IFT43: variants seen among roughly 807,000 people sequenced by gnomAD.
The protein encoded by IFT43 is intraflagellar transport protein 43 homolog.
Under a neutral mutation model 32.3 loss-of-function variants are expected in IFT43, and 33 were observed. That is an observed-to-expected ratio of 1.02 (90% CI 0.77 to 1.37). The LOEUF (loss-of-function observed/expected upper bound fraction) is 1.37. Among genes scored for constraint, IFT43 ranks in the 40% most tolerant of loss-of-function variants. The probability of loss-of-function intolerance (pLI) is 0.00; values close to 1 mark genes in which losing one functional copy is unlikely to be tolerated. For missense variants in IFT43, 274 were observed against 265.9 expected, an observed-to-expected ratio of 1.03 and a Z score of -0.21; for synonymous variants, 93 against 98.2, an observed-to-expected ratio of 0.95 and a Z score of 0.31.
At chr14:76,058,746 A>G in intron 4 of IFT43, 72 bp downstream of exon 4, 5 of 1,606,808 alleles carry the variant, frequency 3.1e-6, no homozygotes, top group Non-Finnish European at 4.2e-6. Flanking sequence ...CTTGGTGGTC[A>G]TGATCTGTTC....
chr14:76,022,364 G>T lies in IFT43; in HGVS notation c.185G>T (p.Gly62Val). Reference sequence around the variant, plus strand: ...AAATTACCTCGCTGCCGACAGGGAGGCTGGGCAGGTGATTCCGTGAAGGCT... The same window carrying T: ...AAATTACCTCGCTGCCGACAGGGAGTCTGGGCAGGTGATTCCGTGAAGGCT... ...SAKLPRCRQG[G>V]WAGDSVKASK... Residue 62 changes from glycine (G) to valine (V), a missense_variant, in exon 3 of 9, where the codon GGC becomes GTC. Coordinates refer to ENST00000314067, the MANE Select transcript of IFT43 (RefSeq NM_001102564.3). 1.2e-6 allele frequency: 2 copies of T among 1,613,174 alleles called. No individual in the cohort carries two copies. Among genetic ancestry groups the T allele is most frequent in the South Asian group, 1.1e-5 (1 of 91,016 alleles).
At chr14:76,070,523 G>A (rs1206025148) in intron 5 of IFT43, among the ~76,000 whole-genome samples, 1 of 152,128 alleles carries the variant, frequency 6.6e-6, no homozygotes, top group Admixed American at 6.6e-5. Flanking sequence ...TTCCTAGGTG[G>A]TTCCTAAACC....
chr14:76,016,109 C>T (rs1427651685), intron 2 of IFT43, among the ~76,000 whole-genome samples: 1 of 152,114 alleles, frequency 6.6e-6, no homozygotes, highest in African/African-American at 2.4e-5. Context: ...GATATCTTCT[C>T]CTATAGTTTA....
At chr14:76,047,781 T>G (rs1458109504) in intron 3 of IFT43, among the ~76,000 whole-genome samples, 3 of 150,694 alleles carry the variant, frequency 2.0e-5, no homozygotes, top group Non-Finnish European at 4.4e-5. Context: ...CACACTACAC[T>G]GTCTTGATTG....
rs10133517 is a variant in IFT43, at chr14:76,007,164, C to A, written c.148-15163C>A. Among the ~76,000 whole-genome samples the A allele has an allele frequency of 6.1e-3, 921 of 152,152 alleles. 10 individuals are homozygous for A. The highest frequency in any genetic ancestry group is 0.021 in the African/African-American group (871 of 41,536). ...GTGAGCCACTGCGCCTGTGCTGGGG[C>A]CACTTTTCAAATGGTATATAGTAGG... On this transcript the variant is annotated intron_variant, in intron 2 of 8. Transcript: ENST00000314067.
intron 2 of IFT43, among the ~76,000 whole-genome samples, chr14:76,017,459 TG>T (rs1039961565): frequency 7.2e-5 from 11 of 152,160 alleles, no homozygotes; most frequent in African/African-American, 2.4e-4. Context: ...GCTCGTATTT[TG>T]TTGGGGATTT....
chr14:76,023,833 C>T (rs1250910200), intron 3 of IFT43, among the ~76,000 whole-genome samples: 8 of 152,162 alleles, frequency 5.3e-5, no homozygotes, highest in Non-Finnish European at 1.5e-5. Context: ...TACATTAAAG[C>T]CTTAAGCATA....
chr14:76,021,467 A>G (rs1348978368), intron 2 of IFT43, among the ~76,000 whole-genome samples: 3 of 152,248 alleles, frequency 2.0e-5, no homozygotes, highest in Admixed American at 6.5e-5. Context: ...ACTAAATAGT[A>G]TATGTTGATA....
intron 3 of IFT43, among the ~76,000 whole-genome samples, chr14:76,038,993 A>G (rs1347076271): frequency 6.6e-6 from 1 of 152,182 alleles, no homozygotes; most frequent in Non-Finnish European, 1.5e-5. Flanking sequence ...GTGTACAGTG[A>G]GGTGGGTACT....
chr14:76,023,555 GA>G (rs1258711344), intron 3 of IFT43, among the ~76,000 whole-genome samples: 1 of 152,240 alleles, frequency 6.6e-6, no homozygotes, highest in Non-Finnish European at 1.5e-5. Context: ...TTAGAAGAGA[GA>G]TGCATTTAGG....
chr14:75,986,335 AACCTCAGTTACCTCAGTAGTTAAGG>A (rs1406778710), intron 1 of IFT43: 2 of 1,200,972 alleles, frequency 1.7e-6, no homozygotes, highest in Non-Finnish European at 2.1e-6. Context: ...GGTGGGAGTT[AACCTCAGTTACCTCAGTAGTTAAGG>A]AAACCAAGAC....
chr14:76,082,563 T>C lies in IFT43; in HGVS notation c.369-54T>C, dbSNP rs1428760091. ...TCTGGGGACGGTGGCCCGGCAGCACTCCTGGAACAGGTCCTGCCTGGGGTT... is the reference window on the plus strand; with the variant it reads ...TCTGGGGACGGTGGCCCGGCAGCACCCCTGGAACAGGTCCTGCCTGGGGTT... On this transcript the variant is annotated intron_variant, in intron 6 of 8. Transcript: ENST00000314067. 8.1e-6 allele frequency: 13 copies of C among 1,608,376 alleles called. No homozygotes were observed. The African/African-American group carries it at 1.1e-4, about 13-fold the overall frequency.
intron 3 of IFT43, among the ~76,000 whole-genome samples, chr14:76,048,771 C>A (rs796736999): frequency 7.2e-5 from 11 of 152,314 alleles, no homozygotes; most frequent in African/African-American, 2.6e-4. Flanking sequence ...AAAGAGCCCA[C>A]GTGTTGAAGT....
Position 76,022,380 on chromosome 14 carries a change from C to T in IFT43, c.201C>T (p.Ser67=), listed in dbSNP as rs140127543. The T allele has an allele frequency of 5.4e-5, 87 of 1,608,940 alleles. No individual in the cohort carries two copies. In the African/African-American group the frequency reaches 9.9e-4, roughly 18 times the overall value. ...RCRQGGWAGD[S]VKASKFRRKA... Reference sequence around the variant, plus strand: ...GACAGGGAGGCTGGGCAGGTGATTCCGTGAAGGCTTCGAAGTGAGTACCAG... The same window carrying T: ...GACAGGGAGGCTGGGCAGGTGATTCTGTGAAGGCTTCGAAGTGAGTACCAG... The change falls in exon 3 of 9, where the codon TCC becomes TCT. Residue 67 remains serine, a synonymous_variant. Coordinates refer to ENST00000314067, the MANE Select transcript of IFT43 (RefSeq NM_001102564.3).
chr14:76,028,244 T>C (rs1594827991), intron 3 of IFT43, among the ~76,000 whole-genome samples: 2 of 152,212 alleles, frequency 1.3e-5, no homozygotes, highest in East Asian at 3.8e-4. Flanking sequence ...GGGGTACCGC[T>C]TTGAATCCTG....
At chr14:76,082,245 A>C (rs747090576) in intron 5 of IFT43, 50 bp from the exon 6 acceptor site, 1 of 1,554,054 alleles carries the variant, frequency 6.4e-7, no homozygotes, top group Admixed American at 1.7e-5. Context: ...AGAAGCAGGC[A>C]CAATCCCTAT....
chr14:75,985,973 G>A, intron 1 of IFT43, 133 bp downstream of exon 1: 3 of 1,531,000 alleles, frequency 2.0e-6, no homozygotes, highest in South Asian at 2.4e-5. Context: ...CCAGAAGGAG[G>A]CAGCCTCACC....
chr14:76,048,717 T>G lies in IFT43; in HGVS notation c.216-9925T>G, dbSNP rs1218678150. Among the ~76,000 whole-genome samples, 2 of 152,232 alleles carry G rather than the reference T, an allele frequency of 1.3e-5. 1 individual carries two copies. The highest frequency in any genetic ancestry group is 2.9e-5 in the Non-Finnish European group (2 of 68,036). On this transcript the variant is annotated intron_variant, in intron 3 of 8. Transcript: ENST00000314067. ...TGCTGCCCCCACCAGAGCTGAATAC[T>G]GATGGCTACACCAGTTTCTCCAGGT...
intron 3 of IFT43, among the ~76,000 whole-genome samples, chr14:76,045,089 G>A (rs746152921): frequency 2.4e-4 from 36 of 152,146 alleles, no homozygotes; most frequent in Non-Finnish European, 2.5e-4. Context: ...TTGTTCAAGG[G>A]TCATCTGTAT....
Sources: gnomAD v4.1 joint callset for allele counts (sites outside exome capture counted in the v4.1 genomes callset) on GRCh38, gnomAD v4.1.1 for gene constraint, MANE v1.5 for transcripts, NCBI Gene and HGNC (gene_info 2026-07-23, HGNC 2026-07-21) for gene names.